Variants in KIAA1217 observed in about 807,000 individuals in gnomAD.
KIAA1217 encodes KIAA1217.
In KIAA1217, 88 loss-of-function variants were observed where a neutral mutation model predicts 163.9. The ratio of observed to expected loss-of-function variants is 0.54; its 90% CI spans 0.45 to 0.64. KIAA1217 has a LOEUF of 0.64. Among genes scored for constraint, KIAA1217 ranks in the 30% least tolerant of loss-of-function variants. The pLI, the probability that KIAA1217 is intolerant of heterozygous loss-of-function variation, is 0.00. For missense variants in KIAA1217, 2,372 were observed against 2,475.0 expected (o/e 0.96, Z 0.88); for synonymous variants, 903 against 923.1 (o/e 0.98, Z 0.39).
intron 2 of KIAA1217, among the ~76,000 whole-genome samples, chr10:24,099,098 G>C (rs961827805): frequency 6.6e-6 from 1 of 151,886 alleles, no homozygotes; most frequent in Non-Finnish European, 1.5e-5. Flanking sequence ...CCTTGTTTGG[G>C]CAAATCCATT....
chr10:24,055,316 TG>T (rs1457544389), intron 2 of KIAA1217, among the ~76,000 whole-genome samples: 3 of 152,198 alleles, frequency 2.0e-5, no homozygotes, highest in Non-Finnish European at 4.4e-5. Flanking sequence ...TTTAAAATGA[TG>T]GAAGTCTTAT....
intron 5 of KIAA1217, among the ~76,000 whole-genome samples, chr10:24,472,253 A>C (rs1014083176): frequency 6.6e-6 from 1 of 152,196 alleles, no homozygotes; most frequent in Non-Finnish European, 1.5e-5. Flanking sequence ...TGTATCAGTC[A>C]ACCTGCACAG....
At position 23,754,004 on chromosome 10, in the gene KIAA1217, C is replaced by T. The variant is rs1588722725; in HGVS notation, c.-321+58770C>T. 1.1e-4 allele frequency among the ~76,000 whole-genome samples: 16 copies of T among 152,208 alleles called. No individual in the cohort carries two copies. The South Asian group carries it at 2.9e-3, about 28-fold the overall frequency. ...CTCCCTTAACTATATGCCCAATGTC[C>T]CCTCCTCCCTGTTCTCACTGGAGTT... On this transcript the variant is annotated intron_variant, in intron 1 of 18. Transcript: ENST00000376462.
rs141937477 is a variant in KIAA1217, at chr10:24,501,427, C to T, written c.1883C>T (p.Thr628Met). ...GGKMLSALES[T>M]VPPSQPPPVG... ...AAGATGCTCAGTGCTCTGGAGTCCA[C>T]GGTGCCTCCCAGCCAGCCTCCACCT... is the stretch of plus-strand genomic sequence containing the variant. Residue 628 changes from threonine to methionine, a missense_variant, in exon 9 of 21, where the codon ACG becomes ATG. By Grantham distance (81) the Thr-to-Met change is moderately conservative (BLOSUM62 -1). Around this residue, in one of 3 missense-constraint regions of KIAA1217, gnomAD observed 1,431 missense variants for 1,470.3 expected, o/e 0.97. Transcript: ENST00000376454. The T allele has an allele frequency of 2.9e-5, 46 of 1,614,012 alleles. 1 individual carries two copies. The African/African-American group carries it at 5.5e-4, about 19-fold the overall frequency.
intron 12 of KIAA1217, among the ~76,000 whole-genome samples, chr10:24,523,624 C>T (rs1203392520): frequency 2.0e-5 from 3 of 152,174 alleles, no homozygotes; most frequent in East Asian, 3.8e-4. Flanking sequence ...CTGAGGAAGT[C>T]ATTATCATCA....
intron 2 of KIAA1217, among the ~76,000 whole-genome samples, chr10:24,117,193 A>G (rs975910873): frequency 1.3e-5 from 2 of 152,018 alleles, no homozygotes; most frequent in Admixed American, 1.3e-4. Flanking sequence ...ATGTACCACC[A>G]TGCCCGGCTA....
chr10:24,094,000 A>G (rs1178357102), intron 2 of KIAA1217, among the ~76,000 whole-genome samples: 1 of 151,772 alleles, frequency 6.6e-6, no homozygotes, highest in Admixed American at 6.6e-5. Flanking sequence ...TTATGGCTGC[A>G]TAGTATTCCA....
In KIAA1217 at chr10:24,528,065, G is replaced by GT; in HGVS notation, c.3028_3029insT (p.Ala1010ValfsTer73). On this transcript the variant is annotated frameshift_variant, in exon 14 of 21. Coordinates refer to ENST00000376454, the MANE Select transcript of KIAA1217 (RefSeq NM_019590.5). LOFTEE classifies it high-confidence loss of function. ...AATACCAAATCTGGAGATGCCGCCA[G>GT]CCACAGGCCCACTGCCAAGGGGAGA... 1 of 1,614,182 alleles carries GT rather than the reference G, an allele frequency of 6.2e-7. No homozygotes were observed. The highest frequency in any genetic ancestry group is 8.5e-7 in the Non-Finnish European group (1 of 1,180,024).
intron 17 of KIAA1217, chr10:24,542,308 T>A (rs1054054765): frequency 4.6e-6 from 1 of 215,488 alleles, no homozygotes; most frequent in African/African-American, 2.3e-5. Context: ...TTGATTAGGA[T>A]CAAAACTTTC....
intron 2 of KIAA1217, among the ~76,000 whole-genome samples, chr10:24,184,000 C>T (rs567951159): frequency 9.8e-5 from 15 of 152,332 alleles, no homozygotes; most frequent in African/African-American, 3.1e-4. Flanking sequence ...CCTGAGCCCT[C>T]CCAAAGGACA....
At chr10:23,854,997 G>A (rs1404447195) in intron 1 of KIAA1217, among the ~76,000 whole-genome samples, 1 of 152,148 alleles carries the variant, frequency 6.6e-6, no homozygotes, top group African/African-American at 2.4e-5. Flanking sequence ...TTTAATTGGA[G>A]CATTTAGTCC....
intron 2 of KIAA1217, among the ~76,000 whole-genome samples, chr10:24,154,271 T>A (rs918395403): frequency 2.6e-5 from 4 of 151,978 alleles, no homozygotes; most frequent in East Asian, 3.9e-4. Flanking sequence ...AATAATTTTT[T>A]AAAAAAAGTA....
rs531401301 is a variant in KIAA1217, at chr10:23,721,054, TA to T, written c.-321+25821del. ...CTACCCAATTCTGTAGAGGCTTTAGTAGTCTTCAAGTCCTGTTTCTTAAAGC... is the reference window on the plus strand; with the variant it reads ...CTACCCAATTCTGTAGAGGCTTTAGTGTCTTCAAGTCCTGTTTCTTAAAGC... On this transcript the variant is annotated intron_variant, in intron 1 of 18. Transcript: ENST00000376462. 1.0e-3 allele frequency among the ~76,000 whole-genome samples: 153 copies of T among 152,356 alleles called. 1 individual carries two copies. The highest frequency in any genetic ancestry group is 3.6e-3 in the African/African-American group (151 of 41,582).
intron 8 of KIAA1217, among the ~76,000 whole-genome samples, chr10:24,500,558 C>T (rs1256400908): frequency 1.3e-5 from 2 of 151,972 alleles, no homozygotes; most frequent in Non-Finnish European, 2.9e-5. Context: ...TGTGCAGATG[C>T]CCTCTTTCTT....
intron 2 of KIAA1217, among the ~76,000 whole-genome samples, chr10:24,312,760 T>C (rs928599318): frequency 6.6e-6 from 1 of 151,490 alleles, no homozygotes; most frequent in African/African-American, 2.4e-5. Flanking sequence ...TACAAAAAAA[T>C]AAAAATTAGC....
At chr10:24,176,124 T>C (rs2065879291) in intron 2 of KIAA1217, among the ~76,000 whole-genome samples, 1 of 152,242 alleles carries the variant, frequency 6.6e-6, no homozygotes, top group East Asian at 1.9e-4. Context: ...GAGAGCTGAT[T>C]GGTCTGTTTT....
intron 2 of KIAA1217, among the ~76,000 whole-genome samples, chr10:24,123,543 T>A (rs1263480916): frequency 6.6e-6 from 1 of 152,188 alleles, no homozygotes; most frequent in African/African-American, 2.4e-5. Flanking sequence ...ATCTTTGTTT[T>A]ACTAGATGTT....
chr10:23,817,992 TATATATATATATATATAC>T (rs1438277420), intron 1 of KIAA1217, among the ~76,000 whole-genome samples: 7 of 114,832 alleles, frequency 6.1e-5, no homozygotes, highest in African/African-American at 2.5e-4. Context: ...TATATATATA[TATATATATATATATATAC>T]ACACATATAT....
chr10:23,697,346 C>A (rs1379524527), intron 1 of KIAA1217, among the ~76,000 whole-genome samples: 3 of 152,154 alleles, frequency 2.0e-5, no homozygotes, highest in Non-Finnish European at 4.4e-5. Flanking sequence ...AAACGTACTT[C>A]ATTTAAACCT....
Sources: allele counts gnomAD v4.1 joint callset (sites outside exome capture counted in the v4.1 genomes callset), GRCh38; gene constraint gnomAD v4.1.1; regional missense constraint gnomAD v4.1.1; transcripts MANE v1.5; gene names NCBI Gene and HGNC (gene_info 2026-07-23, HGNC 2026-07-21).